KPNA6: variants seen among roughly 807,000 people sequenced by gnomAD.
KPNA6 encodes karyopherin subunit alpha 6.
Under a neutral mutation model 72.0 loss-of-function variants are expected in KPNA6, and 9 were observed. That is an observed-to-expected ratio of 0.13 (90% CI 0.08 to 0.22). KPNA6 has a LOEUF of 0.22. KPNA6 is among the 10% of genes least tolerant of loss of function. KPNA6 has a pLI of 1.00. For synonymous variants in KPNA6, 219 were observed against 242.1 expected (o/e 0.90, Z 0.89); for missense variants, 374 against 655.7 (o/e 0.57, Z 4.69).
rs925515639 is a variant in KPNA6, at chr1:32,173,972, T to G, written c.*3078T>G. On this transcript the variant is annotated 3_prime_UTR_variant, in exon 14 of 14. Transcript: ENST00000373625. Reference sequence around the variant, plus strand: ...TACTTTTTTGAATGGTGCCAGCCCCTCCAGGCATCCCACCCCCAAATCATC... The same window carrying G: ...TACTTTTTTGAATGGTGCCAGCCCCGCCAGGCATCCCACCCCCAAATCATC... 3 of 152,468 alleles carry G rather than the reference T, an allele frequency of 2.0e-5. No individual in the cohort carries two copies. Among genetic ancestry groups the G allele is most frequent in the African/African-American group, 7.2e-5 (3 of 41,458 alleles). 9.4% of individuals were successfully genotyped at this position (152,468 alleles called of 1,614,324 possible). A position where few individuals can be genotyped will look rare whatever the true frequency, so the allele number is the denominator to read the frequency against.
At chr1:32,132,062 C>T (rs1363892483) in intron 1 of KPNA6, among the ~76,000 whole-genome samples, 1 of 151,544 alleles carries the variant, frequency 6.6e-6, no homozygotes, top group Non-Finnish European at 1.5e-5. Flanking sequence ...CCTCCGCTTT[C>T]CAGGTAGAAG....
rs1191959237 is a variant in KPNA6, at chr1:32,160,641, T to G, written c.585T>G (p.Ala195=). The stretch of plus-strand genomic sequence containing the variant: ...CAGTCTGGGCACTGGGAAACATAGC[T>G]GGAGATAGCTCTGTTTGCCGAGATT... ...EQAVWALGNI[A]GDSSVCRDYV... is the part of the protein sequence containing the mutation. Residue 195 remains alanine (A), a synonymous_variant, in exon 7 of 14, where the codon GCT becomes GCG. Coordinates refer to ENST00000373625, the MANE Select transcript of KPNA6 (RefSeq NM_012316.5). The G allele has an allele frequency of 1.9e-6, 3 of 1,614,072 alleles. No homozygotes were observed. Among genetic ancestry groups the G allele is most frequent in the Non-Finnish European group, 1.7e-6 (2 of 1,179,946 alleles).
chr1:32,163,112 A>G (rs1024181900), intron 9 of KPNA6, 123 bp from the exon 10 acceptor site: 3 of 671,008 alleles, frequency 4.5e-6, no homozygotes, highest in Non-Finnish European at 2.7e-6. Context: ...TCAAAAAAAA[A>G]AGAAAAAAGA....
At chr1:32,125,992 A>AC (rs1442832138) in intron 1 of KPNA6, among the ~76,000 whole-genome samples, 2 of 151,370 alleles carry the variant, frequency 1.3e-5, no homozygotes, top group Non-Finnish European at 2.9e-5. Flanking sequence ...AAAAAAAAAA[A>AC]AAAAAAAAAC....
intron 1 of KPNA6, 152 bp downstream of exon 1, chr1:32,108,286 C>G (rs1033017286): frequency 5.1e-6 from 6 of 1,166,758 alleles, no homozygotes; most frequent in Non-Finnish European, 7.5e-6. Flanking sequence ...GCCCCTCTTG[C>G]CAGTTTTGGG....
chr1:32,128,387 T>TTATATATTTA (rs1641572123), intron 1 of KPNA6, among the ~76,000 whole-genome samples: 1 of 72,168 alleles, frequency 1.4e-5, no homozygotes, highest in Non-Finnish European at 2.8e-5. Context: ...ATATATGTAT[T>TTATATATTTA]TATATATATA....
intron 1 of KPNA6, among the ~76,000 whole-genome samples, chr1:32,126,779 G>A (rs1641543515): frequency 6.6e-6 from 1 of 152,114 alleles, no homozygotes; most frequent in African/African-American, 2.4e-5. Flanking sequence ...GGGGAAATAG[G>A]CCCTTTTTTA....
In KPNA6 at chr1:32,169,775, A is replaced by G. The variant is rs1193865192; in HGVS notation, c.1245-107A>G. 2.0e-5 allele frequency: 21 copies of G among 1,065,070 alleles called. No homozygotes were observed. The East Asian group carries it at 4.8e-4, about 25-fold the overall frequency. The allele number at this position is 1,065,070 out of a possible 1,614,324, so 66.0% of individuals were successfully genotyped here. A position where few individuals can be genotyped will look rare whatever the true frequency, so the allele number is the denominator to read the frequency against. On this transcript the variant is annotated intron_variant, in intron 12 of 13. Coordinates refer to ENST00000373625, the MANE Select transcript of KPNA6 (RefSeq NM_012316.5). The stretch of plus-strand genomic sequence containing the variant: ...GCGCTCGGCCTCACAATTCTTAAAA[A>G]TAAAAAAATAAATTAGTAAGAGTGG...
intron 1 of KPNA6, among the ~76,000 whole-genome samples, chr1:32,140,623 GAAAA>G (rs1202371836): frequency 6.6e-6 from 1 of 152,068 alleles, no homozygotes; most frequent in Non-Finnish European, 1.5e-5. Context: ...AATGGAAACA[GAAAA>G]AATAGTTCGG....
At position 32,116,456 on chromosome 1, in the gene KPNA6, C is replaced by G. The variant is rs143303522; in HGVS notation, c.4+8322C>G. On this transcript the variant is annotated intron_variant, in intron 1 of 13. Transcript: ENST00000373625. ...GGCGGATCACCTGAGGTCAGGAGTT[C>G]AAGATCAGCCTGACTAACATGGAGA... 6.9e-3 allele frequency among the ~76,000 whole-genome samples: 1,047 copies of G among 152,114 alleles called. 6 individuals carry two copies. The highest frequency in any genetic ancestry group is 0.048 in the Middle Eastern group (14 of 292).
rs1333090577 is a variant in KPNA6, at chr1:32,118,970, A to G, written c.4+10836A>G. Among the ~76,000 whole-genome samples the G allele has an allele frequency of 7.1e-5, 9 of 127,364 alleles. 1 individual carries two copies. The highest frequency in any genetic ancestry group is 1.3e-4 in the Non-Finnish European group (8 of 63,380). The allele number at this position is 127,364 out of a possible 152,430, so 83.6% of individuals were successfully genotyped here. On this transcript the variant is annotated intron_variant, in intron 1 of 13. Coordinates refer to ENST00000373625, the MANE Select transcript of KPNA6 (RefSeq NM_012316.5). ...GTACTTTCTATGTGTCAAGCCATATATATGTGTGTGTGTGTGTGTGTGTAT... is the reference window on the plus strand; with the variant it reads ...GTACTTTCTATGTGTCAAGCCATATGTATGTGTGTGTGTGTGTGTGTGTAT...
At chr1:32,148,388 C>T (rs927794224) in intron 1 of KPNA6, among the ~76,000 whole-genome samples, 1 of 151,990 alleles carries the variant, frequency 6.6e-6, no homozygotes, top group Non-Finnish European at 1.5e-5. Flanking sequence ...AGTTGATCCA[C>T]CTGCCTCAGT....
At chr1:32,166,714 G>A (rs1489453345) in intron 11 of KPNA6, among the ~76,000 whole-genome samples, 1 of 151,198 alleles carries the variant, frequency 6.6e-6, no homozygotes, top group Non-Finnish European at 1.5e-5. Flanking sequence ...CGGATCACAA[G>A]GTCAGGAGAT....
intron 1 of KPNA6, among the ~76,000 whole-genome samples, chr1:32,139,073 T>C (rs556006706): frequency 2.0e-4 from 30 of 152,304 alleles, no homozygotes; most frequent in Admixed American, 1.4e-3. Flanking sequence ...CAAACACTTA[T>C]TAAATAGCTG....
At chr1:32,146,593 C>T (rs1641933294) in intron 1 of KPNA6, among the ~76,000 whole-genome samples, 1 of 152,190 alleles carries the variant, frequency 6.6e-6, no homozygotes, top group Non-Finnish European at 1.5e-5. Flanking sequence ...CAAAACTGCT[C>T]ATGTACAGCA....
chr1:32,129,729 T>C (rs903988543), intron 1 of KPNA6, among the ~76,000 whole-genome samples: 3 of 152,104 alleles, frequency 2.0e-5, no homozygotes, highest in African/African-American at 7.2e-5. Flanking sequence ...CCAATATTTT[T>C]TATTTTTATT....
chr1:32,167,437 C>T, intron 12 of KPNA6, 141 bp downstream of exon 12: 1 of 843,750 alleles, frequency 1.2e-6, no homozygotes, highest in Non-Finnish European at 1.8e-6. Flanking sequence ...TACTGGTAAA[C>T]TGCTACAGTG....
At chr1:32,148,916 A>G (rs1026284850) in intron 1 of KPNA6, among the ~76,000 whole-genome samples, 2 of 151,932 alleles carry the variant, frequency 1.3e-5, no homozygotes, top group African/African-American at 2.4e-5. Flanking sequence ...CTGGTCTCAA[A>G]CTGTGGGCTC....
chr1:32,141,597 A>T (rs189543178), intron 1 of KPNA6, among the ~76,000 whole-genome samples: 1 of 151,414 alleles, frequency 6.6e-6, no homozygotes, highest in Non-Finnish European at 1.5e-5. Flanking sequence ...GGATTTCACC[A>T]TGTTAGCCAG....
Sources: gnomAD v4.1 joint callset for allele counts (sites outside exome capture counted in the v4.1 genomes callset) on GRCh38, gnomAD v4.1.1 for gene constraint, MANE v1.5 for transcripts, NCBI Gene and HGNC (gene_info 2026-07-23, HGNC 2026-07-21) for gene names.